ALCAM: variants seen among roughly 807,000 people sequenced by gnomAD.
The protein encoded by ALCAM is activated leukocyte cell adhesion molecule.
In ALCAM, 30 loss-of-function variants were observed where a neutral mutation model predicts 70.9. The ratio of observed to expected loss-of-function variants is 0.42; its 90% CI spans 0.32 to 0.57. The LOEUF is 0.57. Among genes scored for constraint, ALCAM ranks in the 20% least tolerant of loss-of-function variants. The pLI, the probability that ALCAM is intolerant of heterozygous loss-of-function variation, is 0.11. For synonymous variants in ALCAM, 249 were observed against 242.5 expected, an observed-to-expected ratio of 1.03 and a Z score of -0.25; for missense variants, 591 against 695.1, an observed-to-expected ratio of 0.85 and a Z score of 1.68.
chr3:105,517,814 T>G (rs1939421109), intron 1 of ALCAM, among the ~76,000 whole-genome samples: 1 of 152,126 alleles, frequency 6.6e-6, no homozygotes, highest in African/African-American at 2.4e-5. Flanking sequence ...TGTCAACTGC[T>G]CTCTGATTTT....
At chr3:105,389,605 G>T (rs1242818884) in intron 1 of ALCAM, among the ~76,000 whole-genome samples, 1 of 151,300 alleles carries the variant, frequency 6.6e-6, no homozygotes, top group Non-Finnish European at 1.5e-5. Flanking sequence ...TTAAGTTCCA[G>T]GATACATGTG....
At chr3:105,480,703 A>G (rs150383198) in intron 1 of ALCAM, among the ~76,000 whole-genome samples, 1 of 152,268 alleles carries the variant, frequency 6.6e-6, no homozygotes, top group East Asian at 1.9e-4. Context: ...AGAAAGCTAG[A>G]CTTTAGTTTT....
chr3:105,535,957 C>T (rs1250972978), intron 6 of ALCAM, among the ~76,000 whole-genome samples: 5 of 151,954 alleles, frequency 3.3e-5, no homozygotes, highest in Admixed American at 2.0e-4. Context: ...CAAAGTTGCC[C>T]TAATATTAAA....
At chr3:105,528,605 C>T (rs1255647735) in intron 3 of ALCAM, among the ~76,000 whole-genome samples, 3 of 152,126 alleles carry the variant, frequency 2.0e-5, no homozygotes, top group Non-Finnish European at 4.4e-5. Flanking sequence ...TTGAAAGCCA[C>T]TATCCATAGC....
intron 1 of ALCAM, among the ~76,000 whole-genome samples, chr3:105,368,298 C>T (rs949153729): frequency 7.2e-6 from 1 of 138,780 alleles, no homozygotes; most frequent in Non-Finnish European, 1.5e-5. Context: ...AAATATCTCT[C>T]GGGAAATCCC....
rs114199796 is a variant in ALCAM, at chr3:105,367,052, A to G, written c.-357A>G. On this transcript the variant is annotated 5_prime_UTR_variant, in exon 1 of 16. Transcript: ENST00000306107. ...GCACATTGCCACTGCCATTATTATT[A>G]TCATTCCAATACAAGGAAAATAAAA... 1,398 of 189,962 alleles carry G rather than the reference A, an allele frequency of 7.4e-3. 17 individuals are homozygous for G. Among genetic ancestry groups the G allele is most frequent in the African/African-American group, 0.03 (1,265 of 42,514 alleles). 11.8% of individuals were successfully genotyped at this position (189,962 alleles called of 1,614,324 possible).
Position 105,545,280 on chromosome 3 carries a change from T to A in ALCAM, c.1049T>A (p.Leu350Gln). Residue 350 changes from leucine to glutamine, a missense_variant, in exon 9 of 16, where the codon CTA becomes CAA. By Grantham distance (113) the Leu-to-Gln change is moderately radical (BLOSUM62 -2). Around this residue, in one of 2 missense-constraint regions of ALCAM, gnomAD observed 427 missense variants for 450.4 expected, o/e 0.95. Transcript: ENST00000306107. ...GTGACTAGACAGATTGGTGATGCCCTACCCGTGTCATGCACAATATCTGCT... is the reference window on the plus strand; with the variant it reads ...GTGACTAGACAGATTGGTGATGCCCAACCCGTGTCATGCACAATATCTGCT... ...GEVTRQIGDA[L>Q]PVSCTISASR... 6.2e-7 allele frequency: 1 copy of A among 1,609,314 alleles called. No homozygotes were observed. The highest frequency in any genetic ancestry group is 8.5e-7 in the Non-Finnish European group (1 of 1,176,470).
chr3:105,573,203 G>A (rs917396037), intron 15 of ALCAM, among the ~76,000 whole-genome samples: 3 of 151,952 alleles, frequency 2.0e-5, no homozygotes, highest in Non-Finnish European at 2.9e-5. Context: ...GGCAAGCACC[G>A]ATAATCCCAG....
At chr3:105,418,269 A>T (rs1415237852) in intron 1 of ALCAM, among the ~76,000 whole-genome samples, 1 of 151,930 alleles carries the variant, frequency 6.6e-6, no homozygotes, top group Non-Finnish European at 1.5e-5. Flanking sequence ...TAGGAATATT[A>T]AAATGCAATC....
At chr3:105,434,675 A>G (rs1230072944) in intron 1 of ALCAM, among the ~76,000 whole-genome samples, 1 of 152,102 alleles carries the variant, frequency 6.6e-6, no homozygotes, top group Non-Finnish European at 1.5e-5. Context: ...CTAAAGTAAC[A>G]TTAGATAAAT....
chr3:105,450,801 G>A (rs1362121826), intron 1 of ALCAM, among the ~76,000 whole-genome samples: 2 of 152,130 alleles, frequency 1.3e-5, no homozygotes, highest in Non-Finnish European at 2.9e-5. Flanking sequence ...TGGGGGCAAA[G>A]AGCCTAGAAT....
intron 6 of ALCAM, among the ~76,000 whole-genome samples, chr3:105,538,002 G>A (rs149244439): frequency 6.6e-6 from 1 of 152,150 alleles, no homozygotes; most frequent in African/African-American, 2.4e-5. Flanking sequence ...ACTTGAGCTG[G>A]GTTCAAGCCA....
Position 105,383,153 on chromosome 3 carries a change from T to G in ALCAM, c.73+15672T>G, listed in dbSNP as rs534202519. ...CCTATCCTTCAGAACACAGTTTATA[T>G]GCCATCACCTCCAGAAATTCTTCCC... On this transcript the variant is annotated intron_variant, in intron 1 of 15. Coordinates refer to ENST00000306107, the MANE Select transcript of ALCAM (RefSeq NM_001627.4). Among the ~76,000 whole-genome samples the G allele has an allele frequency of 2.0e-4, 30 of 151,890 alleles. No individual in the cohort carries two copies. In the East Asian group the frequency reaches 5.6e-3, roughly 29 times the overall value.
chr3:105,565,866 C>A (rs1487485631), intron 14 of ALCAM, among the ~76,000 whole-genome samples: 1 of 152,212 alleles, frequency 6.6e-6, no homozygotes, highest in African/African-American at 2.4e-5. Context: ...CATAACTCTA[C>A]CTCTTTCCTG....
rs1559811778 is a variant in ALCAM at position 105,498,044 on chromosome 3, A to AG, written c.74-22023_74-22022insG. 2.5e-4 allele frequency among the ~76,000 whole-genome samples: 38 copies of AG among 149,506 alleles called. No homozygotes were observed. The East Asian group carries it at 4.7e-3, about 18-fold the overall frequency. On this transcript the variant is annotated intron_variant, in intron 1 of 15. Coordinates refer to ENST00000306107, the MANE Select transcript of ALCAM (RefSeq NM_001627.4). ...AGACTCTGCCTCAAAAAAAAAAAAA[A>AG]AGGGGGGAAATTGGACTATCCTTTG...
At chr3:105,398,775 A>G (rs1936014515) in intron 1 of ALCAM, among the ~76,000 whole-genome samples, 1 of 152,046 alleles carries the variant, frequency 6.6e-6, no homozygotes, top group South Asian at 2.1e-4. Flanking sequence ...ATATTTACCA[A>G]TTTCTAATCA....
At chr3:105,564,310 ATTG>A (rs1190645424) in intron 14 of ALCAM, among the ~76,000 whole-genome samples, 2 of 150,816 alleles carry the variant, frequency 1.3e-5, no homozygotes, top group African/African-American at 2.4e-5. Flanking sequence ...ATTTTGTGCC[ATTG>A]TTGTTATTTA....
intron 1 of ALCAM, among the ~76,000 whole-genome samples, chr3:105,475,811 G>T (rs900347582): frequency 2.0e-5 from 3 of 151,810 alleles, no homozygotes; most frequent in African/African-American, 7.3e-5. Context: ...CTCTGAACTG[G>T]ATCCTGGCCC....
chr3:105,471,236 A>G (rs1268914349), intron 1 of ALCAM, among the ~76,000 whole-genome samples: 1 of 151,414 alleles, frequency 6.6e-6, no homozygotes, highest in African/African-American at 2.4e-5. Flanking sequence ...TTGTTCAGTA[A>G]CTAAATAGTT....
Sources: allele counts gnomAD v4.1 joint callset (sites outside exome capture counted in the v4.1 genomes callset), GRCh38; gene constraint gnomAD v4.1.1; regional missense constraint gnomAD v4.1.1; transcripts MANE v1.5; gene names NCBI Gene and HGNC (gene_info 2026-07-23, HGNC 2026-07-21).